Variants in DGKD observed in about 807,000 individuals in gnomAD.
The protein encoded by DGKD is diacylglycerol kinase delta, also known as DAG kinase delta.
In DGKD, 68 loss-of-function variants were observed where a neutral mutation model predicts 154.4. The observed-to-expected ratio is 0.44, with a 90% CI of 0.36 to 0.54. The LOEUF (loss-of-function observed/expected upper bound fraction) is 0.54. DGKD is among the 20% of genes least tolerant of loss of function. DGKD has a pLI of 0.00. For missense variants in DGKD, 1,343 were observed against 1,593.6 expected, an observed-to-expected ratio of 0.84 and a Z score of 2.68; for synonymous variants, 693 against 638.0, an observed-to-expected ratio of 1.09 and a Z score of -1.30.
chr2:233,440,559 A>G lies in DGKD; in HGVS notation c.1086-1328A>G, dbSNP rs2062852767. On this transcript the variant is annotated intron_variant, in intron 9 of 29. Transcript: ENST00000264057. This position sits in a 1 kb window ranked among gnomAD's most constrained non-coding sequence, Gnocchi z 4.9. ...CGTCTCCCCGAGCTGGCATCCGAGG[A>G]GCTCTAGTGTTCTGAAGGCTGCAGG... is the stretch of plus-strand genomic sequence containing the variant. 6.6e-6 allele frequency among the ~76,000 whole-genome samples: 1 copy of G among 152,066 alleles called. No homozygotes were observed. The highest frequency in any genetic ancestry group is 2.1e-4 in the South Asian group (1 of 4,824).
rs2063155306 is a variant in DGKD at position 233,448,394 on chromosome 2, G to GGCATTGAGGCAC, written c.1614+20_1614+21insCATTGAGGCACG. ...CAAGAAGGTCTGTTCCCGTGCCCTG[G>GGCATTGAGGCAC]GTGGGAGGGGCATTGAGGCAGCGAG... is the stretch of plus-strand genomic sequence containing the variant. On this transcript the variant is annotated intron_variant, in intron 14 of 29. Coordinates refer to ENST00000264057, the MANE Select transcript of DGKD (RefSeq NM_152879.3). 1.9e-6 allele frequency: 3 copies of GGCATTGAGGCAC among 1,608,312 alleles called. No individual in the cohort carries two copies. In the African/African-American group the frequency reaches 4.0e-5, roughly 21 times the overall value.
chr2:233,464,816 C>A (rs2063777007), intron 27 of DGKD, among the ~76,000 whole-genome samples: 1 of 152,208 alleles, frequency 6.6e-6, no homozygotes, highest in South Asian at 2.1e-4. Flanking sequence ...TGAAGGAGCC[C>A]TGGAGAGGGC....
intron 3 of DGKD, among the ~76,000 whole-genome samples, chr2:233,416,080 A>G (rs942383494): frequency 6.6e-6 from 1 of 152,194 alleles, no homozygotes; most frequent in Admixed American, 6.5e-5. Flanking sequence ...TTTTAAACAC[A>G]ATACGATGAC....
chr2:233,452,170 G>A lies in DGKD; in HGVS notation c.2264+110G>A, dbSNP rs2063315830. 2.9e-6 allele frequency: 3 copies of A among 1,025,542 alleles called. No homozygotes were observed. Among genetic ancestry groups the A allele is most frequent in the Non-Finnish European group, 4.5e-6 (3 of 669,846 alleles). The allele number at this position is 1,025,542 out of a possible 1,614,324, so 63.5% of individuals were successfully genotyped here. A position where few individuals can be genotyped will look rare whatever the true frequency, so the allele number is the denominator to read the frequency against. On this transcript the variant is annotated intron_variant, in intron 18 of 29. Coordinates refer to ENST00000264057, the MANE Select transcript of DGKD (RefSeq NM_152879.3). This position sits in a 1 kb window ranked among gnomAD's most constrained non-coding sequence, Gnocchi z 4.0. ...ATTAGTGAGCAGTTGCCCAGCTGGT[G>A]GTAGCTGATAAGGAAGGCTGAGAAG... is the stretch of plus-strand genomic sequence containing the variant.
Position 233,448,455 on chromosome 2 carries a change from C to G in DGKD, c.1614+80C>G, listed in dbSNP as rs549512837. 1.3e-3 allele frequency: 1,581 copies of G among 1,223,648 alleles called. 2 individuals are homozygous for G. The highest frequency in any genetic ancestry group is 1.6e-3 in the Non-Finnish European group (1,398 of 853,470). 75.8% of individuals were successfully genotyped at this position (1,223,648 alleles called of 1,614,324 possible). On this transcript the variant is annotated intron_variant, in intron 14 of 29. Transcript: ENST00000264057. ...TGTCACCAGCAGAGGGCCGTGACTGCAGGTTGTCCAGGTTCTTGGTGATTT... is the reference window on the plus strand; with the variant it reads ...TGTCACCAGCAGAGGGCCGTGACTGGAGGTTGTCCAGGTTCTTGGTGATTT...
At chr2:233,359,172 A>G (rs1435152358) in intron 1 of DGKD, among the ~76,000 whole-genome samples, 1 of 152,224 alleles carries the variant, frequency 6.6e-6, no homozygotes, top group African/African-American at 2.4e-5. Context: ...GTCACTTCAG[A>G]CCCTGCGCTT....
chr2:233,466,049 T>C (rs1416280243), intron 27 of DGKD, among the ~76,000 whole-genome samples: 1 of 152,154 alleles, frequency 6.6e-6, no homozygotes, highest in Non-Finnish European at 1.5e-5. Context: ...GTCACGAAAC[T>C]GTGCCAAATA....
chr2:233,426,931 G>A (rs1428664019), intron 3 of DGKD, among the ~76,000 whole-genome samples: 8 of 152,126 alleles, frequency 5.3e-5, no homozygotes, highest in Non-Finnish European at 8.8e-5. Flanking sequence ...ATTGAGCACC[G>A]GGTCATGTGC....
At chr2:233,468,602 G>C in intron 29 of DGKD, 49 bp downstream of exon 29, 1 of 1,607,948 alleles carries the variant, frequency 6.2e-7, no homozygotes, top group Non-Finnish European at 8.5e-7. Flanking sequence ...CTTGCACGCA[G>C]CTCCCTTCTC....
intron 26 of DGKD, 35 bp from the exon 27 acceptor site, chr2:233,464,129 C>T (rs775125650): frequency 1.7e-5 from 28 of 1,612,754 alleles, no homozygotes; most frequent in Non-Finnish European, 2.3e-5. Flanking sequence ...AGTGCACACT[C>T]TCCATTTCTC....
Position 233,459,920 on chromosome 2 carries a change from TG to T in DGKD, c.2829+33del, listed in dbSNP as rs1223173243. The T allele has an allele frequency of 7.5e-6, 12 of 1,608,856 alleles. No homozygotes were observed. Among genetic ancestry groups the T allele is most frequent in the Non-Finnish European group, 1.0e-5 (12 of 1,177,508 alleles). On this transcript the variant is annotated intron_variant, in intron 23 of 29. Transcript: ENST00000264057. The surrounding 1 kb of genome is among the most constrained non-coding windows in gnomAD (Gnocchi z 5.7). ...AGAGCGGCTGCCCGCGGTACCTGGG[TG>T]GGGTACAGGGCTCACCTGTGGGCTC...
At chr2:233,357,050 A>G (rs374074606) in intron 1 of DGKD, among the ~76,000 whole-genome samples, 1 of 152,236 alleles carries the variant, frequency 6.6e-6, no homozygotes, top group Non-Finnish European at 1.5e-5. Context: ...TGAGGCAACA[A>G]GCAGGAAACT....
At chr2:233,367,713 G>T (rs751571009) in intron 1 of DGKD, among the ~76,000 whole-genome samples, 5 of 152,078 alleles carry the variant, frequency 3.3e-5, no homozygotes, top group Non-Finnish European at 7.4e-5. Flanking sequence ...GACATTTTGG[G>T]CATATCCCTA....
At chr2:233,413,358 T>G (rs2061874935) in intron 3 of DGKD, among the ~76,000 whole-genome samples, 2 of 152,202 alleles carry the variant, frequency 1.3e-5, no homozygotes, top group African/African-American at 4.8e-5. Flanking sequence ...GATGTAGGTA[T>G]GCAGTTTTTT....
At chr2:233,386,068 T>A (rs1269137638) in intron 1 of DGKD, 1 of 452,404 alleles carries the variant, frequency 2.2e-6, no homozygotes, top group Admixed American at 2.4e-5. Flanking sequence ...ATGTATGAGA[T>A]GTGTAGCAGG....
chr2:233,449,369 A>G lies in DGKD; in HGVS notation c.1881A>G (p.Thr627=), dbSNP rs2063190952. ...CAATTCGTCAGATCATAGAACACAC[A>G]GAAAAAGGTAACTGGCCTTGTGATG... The part of the protein sequence containing the change: ...KKAIRQIIEH[T]EKAVDEQNAQ... Residue 627 remains threonine, a synonymous_variant, in exon 15 of 30, where the codon ACA becomes ACG. Transcript: ENST00000264057. This position sits in a 1 kb window ranked among gnomAD's most constrained non-coding sequence, Gnocchi z 5.3. 1 of 1,593,892 alleles carries G rather than the reference A, an allele frequency of 6.3e-7. No individual in the cohort carries two copies.
chr2:233,440,045 A>T lies in DGKD; in HGVS notation c.1085+1666A>T, dbSNP rs767551450. ...GGCAGGTTACACAGCTGAACTCGAG[A>T]ATAACGAAATATTCATTTTGGTGTG... is the stretch of plus-strand genomic sequence containing the variant. On this transcript the variant is annotated intron_variant, in intron 9 of 29. Transcript: ENST00000264057. The surrounding 1 kb of genome is among the most constrained non-coding windows in gnomAD (Gnocchi z 4.9). Among the ~76,000 whole-genome samples the T allele has an allele frequency of 1.2e-4, 19 of 152,166 alleles. No individual in the cohort carries two copies. The highest frequency in any genetic ancestry group is 2.2e-4 in the Non-Finnish European group (15 of 68,020).
chr2:233,386,295 A>G (rs1703175382), intron 1 of DGKD: 2 of 276,828 alleles, frequency 7.2e-6, no homozygotes, highest in Admixed American at 9.5e-5. Context: ...GTCTCGTGGT[A>G]TATGTTTCAG....
At chr2:233,414,506 G>A in intron 3 of DGKD, among the ~76,000 whole-genome samples, 1 of 152,192 alleles carries the variant, frequency 6.6e-6, no homozygotes. Context: ...CCTCCCTCCA[G>A]GGGGAGACCA....
Sources: allele counts gnomAD v4.1 joint callset (sites outside exome capture counted in the v4.1 genomes callset), GRCh38; gene constraint gnomAD v4.1.1; non-coding constraint Gnocchi (gnomAD v3.1); transcripts MANE v1.5; gene names NCBI Gene and HGNC (gene_info 2026-07-23, HGNC 2026-07-21).